Variants in KCNJ15 observed in about 807,000 individuals in gnomAD.
KCNJ15 encodes the protein potassium inwardly rectifying channel subfamily J member 15.
In KCNJ15, 14 loss-of-function variants were observed where a neutral mutation model predicts 23.0. The ratio of observed to expected loss-of-function variants is 0.61; its 90% CI spans 0.40 to 0.95. The LOEUF is 0.95. Among genes scored for constraint, KCNJ15 ranks in the 40% least tolerant of loss-of-function variants. The pLI, the probability that KCNJ15 is intolerant of heterozygous loss-of-function variation, is 0.00. For missense variants in KCNJ15, 388 were observed against 461.8 expected (o/e 0.84, Z 1.46); for synonymous variants, 185 against 183.2 (o/e 1.01, Z -0.08).
chr21:38,245,979 T>A lies in KCNJ15; in HGVS notation c.-398-11067T>A, dbSNP rs139691061. 3.3e-4 allele frequency among the ~76,000 whole-genome samples: 50 copies of A among 152,354 alleles called. 1 individual carries two copies. The East Asian group carries it at 8.1e-3, about 25-fold the overall frequency. ...TCTGCTTCTCAGTTCACCAACTATT[T>A]GACCTTGGGCAAGTGACTTAATTCA... On this transcript the variant is annotated intron_variant, in intron 1 of 4. Coordinates refer to the KCNJ15 transcript ENST00000547341.
chr21:38,306,132 G>C lies in KCNJ15; in HGVS notation c.*5743G>C, dbSNP rs1183308016. On this transcript the variant is annotated 3_prime_UTR_variant, in exon 3 of 3. Coordinates refer to ENST00000398938, the MANE Select transcript of KCNJ15 (RefSeq NM_170736.3). The stretch of plus-strand genomic sequence containing the variant: ...ATTAGGCTGATGGTTTTACAAAAGA[G>C]TCCTCCTAAAAGTCCATCACTAAGT... The C allele has an allele frequency of 6.6e-6, 1 of 152,234 alleles. No individual in the cohort carries two copies. Among genetic ancestry groups the C allele is most frequent in the African/African-American group, 2.4e-5 (1 of 41,462 alleles). 9.4% of individuals were successfully genotyped at this position (152,234 alleles called of 1,614,324 possible).
chr21:38,259,224 G>GT (rs1980618957), intron 1 of KCNJ15, among the ~76,000 whole-genome samples: 1 of 152,140 alleles, frequency 6.6e-6, no homozygotes, highest in Admixed American at 6.5e-5. Context: ...AGCCCACGAA[G>GT]TTTTTTGCAT....
chr21:38,267,643 G>T lies in KCNJ15; in HGVS notation c.-117+10458G>T, dbSNP rs554690784. ...TATCAGAGAAGAGGAGATGGAGGGA[G>T]TTGAAGGGAAGAAACAGTGGAATAG... On this transcript the variant is annotated intron_variant, in intron 1 of 2. Transcript: ENST00000398938. Among the ~76,000 whole-genome samples the T allele has an allele frequency of 4.2e-4, 64 of 152,276 alleles. 1 individual carries two copies. The highest frequency in any genetic ancestry group is 1.5e-3 in the African/African-American group (61 of 41,540).
At chr21:38,269,283 C>T (rs1981825293) in intron 1 of KCNJ15, among the ~76,000 whole-genome samples, 1 of 152,096 alleles carries the variant, frequency 6.6e-6, no homozygotes, top group African/African-American at 2.4e-5. Context: ...AATTCCAGAG[C>T]CAGAGTCTGT....
chr21:38,273,103 G>A (rs142774460), intron 1 of KCNJ15, among the ~76,000 whole-genome samples: 27 of 152,184 alleles, frequency 1.8e-4, no homozygotes, highest in African/African-American at 2.4e-4. Context: ...TAAATGCAGC[G>A]GTTAGAAAAA....
upstream of KCNJ15, among the ~76,000 whole-genome samples, chr21:38,256,360 TTATA>T (rs56679003): frequency 5.4e-3 from 575 of 106,236 alleles, 40 homozygotes; most frequent in African/African-American, 0.027. Flanking sequence ...TCTATTCAGC[TTATA>T]TATATATATA....
At chr21:38,259,909 G>A (rs1051967198) in intron 1 of KCNJ15, among the ~76,000 whole-genome samples, 9 of 152,258 alleles carry the variant, frequency 5.9e-5, no homozygotes, top group Admixed American at 1.3e-4. Context: ...AGTGTGACCC[G>A]GTAGTAGCTC....
At chr21:38,286,028 G>A (rs886441456) in intron 1 of KCNJ15, among the ~76,000 whole-genome samples, 4 of 152,118 alleles carry the variant, frequency 2.6e-5, no homozygotes, top group Non-Finnish European at 4.4e-5. Context: ...CGGATCACGA[G>A]GTCAGGAGAT....
intron 1 of KCNJ15, among the ~76,000 whole-genome samples, chr21:38,243,610 C>T (rs963545082): frequency 4.6e-5 from 7 of 152,204 alleles, no homozygotes; most frequent in East Asian, 3.9e-4. Context: ...TTAGTAAAGA[C>T]GGGGTTTTGT....
rs568677144 is a variant in KCNJ15 at position 38,294,774 on chromosome 21, T to C, written c.-116-2152T>C. 2.6e-3 allele frequency among the ~76,000 whole-genome samples: 399 copies of C among 152,338 alleles called. 2 individuals carry two copies. Among genetic ancestry groups the C allele is most frequent in the Non-Finnish European group, 3.5e-3 (241 of 68,032 alleles). On this transcript the variant is annotated intron_variant, in intron 1 of 2. Coordinates refer to ENST00000398938, the MANE Select transcript of KCNJ15 (RefSeq NM_170736.3). ...GTTCCATTCTGTTTCAGAGTGTGTTTATTTTCTTTCCTTTAACTTCAGAAA... is the reference window on the plus strand; with the variant it reads ...GTTCCATTCTGTTTCAGAGTGTGTTCATTTTCTTTCCTTTAACTTCAGAAA...
chr21:38,261,903 T>G (rs1980941731), intron 1 of KCNJ15, among the ~76,000 whole-genome samples: 1 of 152,224 alleles, frequency 6.6e-6, no homozygotes, highest in South Asian at 2.1e-4. Context: ...AGCCTTCCTC[T>G]TTTTTCCTTA....
chr21:38,255,954 C>T (rs1980190427), upstream of KCNJ15, among the ~76,000 whole-genome samples: 2 of 152,312 alleles, frequency 1.3e-5, no homozygotes, highest in African/African-American at 4.8e-5. Flanking sequence ...GGGAAACAGA[C>T]CGTTTGCGTC....
intron 1 of KCNJ15, among the ~76,000 whole-genome samples, chr21:38,292,607 T>C (rs190625679): frequency 3.9e-4 from 60 of 152,352 alleles, no homozygotes; most frequent in Non-Finnish European, 6.3e-4. Context: ...TACAATCTTG[T>C]TGAATTTGGG....
chr21:38,256,446 A>G (rs1031284584), upstream of KCNJ15, among the ~76,000 whole-genome samples: 17 of 150,146 alleles, frequency 1.1e-4, no homozygotes, highest in African/African-American at 4.2e-4. Flanking sequence ...AGCTAAAAAC[A>G]TGAGTTTTCC....
intron 1 of KCNJ15, among the ~76,000 whole-genome samples, chr21:38,244,892 C>G (rs1979255747): frequency 6.6e-6 from 1 of 152,118 alleles, no homozygotes; most frequent in Admixed American, 6.5e-5. Context: ...AATCTCTTTT[C>G]TTTCTAATAA....
chr21:38,254,798 G>A (rs1047601355), upstream of KCNJ15, among the ~76,000 whole-genome samples: 3 of 152,048 alleles, frequency 2.0e-5, no homozygotes, highest in Admixed American at 6.5e-5. Context: ...TTTGATCTGA[G>A]CATGGACTTA....
rs1985460577 is a variant in KCNJ15, at chr21:38,299,033, A to G, written c.-18-211A>G. 6.6e-6 allele frequency among the ~76,000 whole-genome samples: 1 copy of G among 152,210 alleles called. No homozygotes were observed. On this transcript the variant is annotated intron_variant, in intron 2 of 2. Transcript: ENST00000398938. This position sits in a 1 kb window ranked among gnomAD's most constrained non-coding sequence, Gnocchi z 4.5. ...CACACAGCTGATGAATTGCAGAGTCAGCATTTAACCCCGGTCTGCTTTTCT... is the reference window on the plus strand; with the variant it reads ...CACACAGCTGATGAATTGCAGAGTCGGCATTTAACCCCGGTCTGCTTTTCT...
At chr21:38,249,320 G>A (rs1470260176) in intron 1 of KCNJ15, among the ~76,000 whole-genome samples, 2 of 152,196 alleles carry the variant, frequency 1.3e-5, no homozygotes, top group Admixed American at 1.3e-4. Context: ...GGTGATATAT[G>A]TTATTTACTG....
intron 1 of KCNJ15, among the ~76,000 whole-genome samples, chr21:38,249,146 GTTCAAT>G (rs1979658446): frequency 6.6e-6 from 1 of 152,110 alleles, no homozygotes; most frequent in Non-Finnish European, 1.5e-5. Flanking sequence ...TACAGCTTCG[GTTCAAT>G]TTTGCTGTTG....
Sources: gnomAD v4.1 joint callset for allele counts (sites outside exome capture counted in the v4.1 genomes callset) on GRCh38, gnomAD v4.1.1 for gene constraint, Gnocchi (gnomAD v3.1) non-coding constraint, MANE v1.5 for transcripts, NCBI Gene and HGNC (gene_info 2026-07-23, HGNC 2026-07-21) for gene names.